CDKL4: variants seen among roughly 807,000 people sequenced by gnomAD.
CDKL4 encodes cyclin dependent kinase like 4, also known as cyclin-dependent kinase-like 4.
In CDKL4, 44 loss-of-function variants were observed where a neutral mutation model predicts 42.0. The observed-to-expected ratio is 1.05, with a 90% CI of 0.82 to 1.35. The LOEUF is 1.35. Among genes scored for constraint, CDKL4 ranks in the 40% most tolerant of loss-of-function variants. The pLI is 0.00. For synonymous variants in CDKL4, 120 were observed against 121.6 expected, an observed-to-expected ratio of 0.99 and a Z score of 0.09; for missense variants, 393 against 369.9, an observed-to-expected ratio of 1.06 and a Z score of -0.51.
chr2:39,204,392 G>T (rs1677041502), intron 5 of CDKL4, 135 bp downstream of exon 5: 1 of 656,280 alleles, frequency 1.5e-6, no homozygotes, highest in Admixed American at 2.8e-5. Flanking sequence ...TGACTAAAAG[G>T]CTAAAGTGAG....
chr2:39,209,564 T>C (rs1677454565), intron 4 of CDKL4, among the ~76,000 whole-genome samples: 1 of 152,214 alleles, frequency 6.6e-6, no homozygotes, highest in Non-Finnish European at 1.5e-5. Flanking sequence ...CAGACTCTGA[T>C]TCAGCAGGTC....
intron 2 of CDKL4, among the ~76,000 whole-genome samples, chr2:39,227,819 A>G (rs939225344): frequency 6.6e-6 from 1 of 152,240 alleles, no homozygotes; most frequent in East Asian, 1.9e-4. Flanking sequence ...TGGGTAGGTC[A>G]GCAATTTATA....
intron 1 of CDKL4, among the ~76,000 whole-genome samples, chr2:39,241,645 C>A (rs1573040557): frequency 6.6e-6 from 1 of 152,174 alleles, no homozygotes; most frequent in East Asian, 1.9e-4. Flanking sequence ...CCCTTCATAC[C>A]CCTGCCTGGA....
chr2:39,239,097 A>C (rs1050221442), intron 1 of CDKL4, among the ~76,000 whole-genome samples: 10 of 152,182 alleles, frequency 6.6e-5, no homozygotes, highest in African/African-American at 1.9e-4. Flanking sequence ...ACAAGGAAAG[A>C]ATAGTCTTTT....
At chr2:39,206,454 C>T (rs1203647273) in intron 4 of CDKL4, among the ~76,000 whole-genome samples, 7 of 152,204 alleles carry the variant, frequency 4.6e-5, no homozygotes, top group African/African-American at 1.4e-4. Flanking sequence ...GAAACAGATG[C>T]TCCTCGCTGG....
rs1678678005 is a variant in CDKL4 at position 39,225,847 on chromosome 2, G to T, written c.282C>A (p.Asn94Lys). Residue 94 changes from asparagine to lysine, a missense_variant, in exon 3 of 10, where the codon AAC (asparagine) becomes AAA (lysine). Transcript: ENST00000451199. ...GTTTCCAGATTACTTACCCATTTGG[G>T]TTTCTTTCCAGCTCATTTAAAAGTG... The T allele has an allele frequency of 6.3e-7, 1 of 1,599,560 alleles. No individual in the cohort carries two copies. The highest frequency in any genetic ancestry group is 1.4e-5 in the African/African-American group (1 of 73,888).
chr2:39,215,447 C>T (rs183267002), intron 3 of CDKL4, among the ~76,000 whole-genome samples: 13 of 152,134 alleles, frequency 8.5e-5, no homozygotes, highest in East Asian at 7.7e-4. Context: ...GATGGAGATG[C>T]GGCTGTTGTT....
chr2:39,197,904 C>T (rs150635205), intron 5 of CDKL4, among the ~76,000 whole-genome samples: 4,527 of 150,164 alleles, frequency 0.03, 75 homozygotes, highest in Non-Finnish European at 0.031. Context: ...ATAAATCTCA[C>T]AGGACCTATA....
intron 4 of CDKL4, among the ~76,000 whole-genome samples, chr2:39,210,775 T>A (rs1232980993): frequency 6.6e-6 from 1 of 152,218 alleles, no homozygotes; most frequent in Admixed American, 6.5e-5. Context: ...AGATAAGGAT[T>A]CCATTTGGCA....
At chr2:39,228,633 C>G (rs541909977) in intron 2 of CDKL4, among the ~76,000 whole-genome samples, 1 of 152,290 alleles carries the variant, frequency 6.6e-6, no homozygotes, top group African/African-American at 2.4e-5. Context: ...CCACCCCAGA[C>G]CTCCCAACTC....
chr2:39,205,638 TAGTCCCAGCTACTCAGG>T (rs1286144890), intron 4 of CDKL4, among the ~76,000 whole-genome samples: 3 of 150,834 alleles, frequency 2.0e-5, no homozygotes, highest in African/African-American at 7.3e-5. Context: ...CAGGCGCCTG[TAGTCCCAGCTACTCAGG>T]AGGCTGAGGC....
chr2:39,242,858 G>T (rs1314347808), intron 1 of CDKL4, among the ~76,000 whole-genome samples: 3 of 152,146 alleles, frequency 2.0e-5, no homozygotes, highest in African/African-American at 7.2e-5. Flanking sequence ...AGCACTTTGG[G>T]AGGTTGAGGC....
chr2:39,226,051 A>C (rs999065328), intron 2 of CDKL4, 91 bp from the exon 3 acceptor site: 9 of 1,304,980 alleles, frequency 6.9e-6, no homozygotes, highest in Non-Finnish European at 9.2e-6. Context: ...GTTGGAAGAA[A>C]TTTAAGATTC....
intron 2 of CDKL4, 51 bp downstream of exon 2, chr2:39,229,314 C>G: frequency 7.8e-7 from 1 of 1,289,738 alleles, no homozygotes; most frequent in Non-Finnish European, 1.1e-6. Flanking sequence ...TTTTAACATG[C>G]ATATTTCACT....
chr2:39,204,661 A>G lies in CDKL4; in HGVS notation c.364-44T>C, dbSNP rs772364842. The G allele has an allele frequency of 1.5e-5, 17 of 1,096,964 alleles. No individual in the cohort carries two copies. The African/African-American group carries it at 2.7e-4, about 17-fold the overall frequency. The allele number at this position is 1,096,964 out of a possible 1,614,324, so 68.0% of individuals were successfully genotyped here. A position where few individuals can be genotyped will look rare whatever the true frequency, so the allele number is the denominator to read the frequency against. ...ATTATTTTTCTGAACCATCAAAATG[A>G]CAAAGAATAAACATTAACTACTAGT... On this transcript the variant is annotated intron_variant, in intron 4 of 9. Transcript: ENST00000451199.
intron 4 of CDKL4, among the ~76,000 whole-genome samples, chr2:39,205,066 G>A (rs1310079891): frequency 6.6e-6 from 1 of 152,084 alleles, no homozygotes; most frequent in African/African-American, 2.4e-5. Flanking sequence ...TATGGTCCTA[G>A]CTACTGAGGA....
Position 39,222,446 on chromosome 2 carries a change from C to T in CDKL4, c.290+3393G>A, listed in dbSNP as rs1043646646. Among the ~76,000 whole-genome samples, 10 of 152,016 alleles carry T rather than the reference C, an allele frequency of 6.6e-5. No individual in the cohort carries two copies. In the South Asian group the frequency reaches 1.7e-3, roughly 25 times the overall value. ...GTCTACTAAAAATACAAAAATTAGC[C>T]GGGCATGGTAGCGGGTCCCTGTAGT... On this transcript the variant is annotated intron_variant, in intron 3 of 9. Coordinates refer to ENST00000451199, the Ensembl canonical transcript of CDKL4.
At chr2:39,216,154 C>T (rs1558572090) in intron 3 of CDKL4, among the ~76,000 whole-genome samples, 1 of 152,172 alleles carries the variant, frequency 6.6e-6, no homozygotes, top group Admixed American at 6.5e-5. Context: ...ATGTGTAATA[C>T]TAGAATAATA....
At chr2:39,235,750 T>C (rs1679335689) in intron 1 of CDKL4, among the ~76,000 whole-genome samples, 1 of 152,098 alleles carries the variant, frequency 6.6e-6, no homozygotes, top group Non-Finnish European at 1.5e-5. Context: ...AGACCTTGTA[T>C]TGAAACAACA....
Sources: gnomAD v4.1 joint callset for allele counts (sites outside exome capture counted in the v4.1 genomes callset) on GRCh38, gnomAD v4.1.1 for gene constraint, MANE v1.5 for transcripts, NCBI Gene and HGNC (gene_info 2026-07-23, HGNC 2026-07-21) for gene names.